Variants in KLHL2 observed in about 807,000 individuals in gnomAD.
The protein encoded by KLHL2 is kelch like family member 2, also known as kelch-like protein 2.
KLHL2 carries 15 observed loss-of-function variants against 75.8 expected under a neutral mutation model. The ratio of observed to expected loss-of-function variants is 0.20; its 90% CI spans 0.13 to 0.30. The LOEUF (loss-of-function observed/expected upper bound fraction) is 0.30. Among genes scored for constraint, KLHL2 ranks in the 10% least tolerant of loss-of-function variants. The pLI, the probability that KLHL2 is intolerant of heterozygous loss-of-function variation, is 1.00. For synonymous variants in KLHL2, 214 were observed against 251.9 expected, an observed-to-expected ratio of 0.85 and a Z score of 1.42; for missense variants, 381 against 741.0, an observed-to-expected ratio of 0.51 and a Z score of 5.64.
intron 1 of KLHL2, chr4:165,219,706 A>C (rs1215352029): frequency 1.6e-6 from 2 of 1,281,618 alleles, no homozygotes; most frequent in Non-Finnish European, 2.0e-6. Context: ...CTTTGACGGA[A>C]CTTGGACACC....
intron 13 of KLHL2, among the ~76,000 whole-genome samples, chr4:165,314,780 A>T (rs1309258731): frequency 6.6e-6 from 1 of 152,210 alleles, no homozygotes; most frequent in African/African-American, 2.4e-5. Flanking sequence ...AGAAAGGGAA[A>T]TACAAATGGA....
intron 5 of KLHL2, among the ~76,000 whole-genome samples, chr4:165,281,232 A>G (rs1017945772): frequency 6.6e-6 from 1 of 152,090 alleles, no homozygotes; most frequent in Non-Finnish European, 1.5e-5. Context: ...AGAACAAATA[A>G]CACTTGAGAC....
rs1292158952 is a variant in KLHL2, at chr4:165,207,890, C to T, written c.14C>T (p.Pro5Leu). ...AGAGGAGCCACAATGGAGACGCCGC[C>T]GCTGCCTCCCGCGTGAGTGAGCGGG... METP[P>L]LPPACTKQGH... The change falls in exon 1 of 15, where the codon CCG (proline) becomes CTG (leucine). Residue 5 changes from proline to leucine, a missense_variant. Pro to Leu is a moderately conservative substitution (Grantham distance 98). Transcript: ENST00000226725. This position sits in a 1 kb window ranked among gnomAD's most constrained non-coding sequence, Gnocchi z 4.2. The T allele has an allele frequency of 2.1e-6, 3 of 1,438,534 alleles. No individual in the cohort carries two copies. Among genetic ancestry groups the T allele is most frequent in the South Asian group, 2.7e-5 (2 of 75,306 alleles). 89.1% of individuals were successfully genotyped at this position (1,438,534 alleles called of 1,614,324 possible).
chr4:165,251,776 A>AT (rs1205042954), intron 4 of KLHL2, among the ~76,000 whole-genome samples: 2 of 151,170 alleles, frequency 1.3e-5, no homozygotes, highest in Admixed American at 6.6e-5. Context: ...CGCCCGGCTA[A>AT]TTTTTTGTAT....
chr4:165,220,247 C>T (rs1286868519), intron 2 of KLHL2, among the ~76,000 whole-genome samples, 188 bp downstream of exon 2: 3 of 151,986 alleles, frequency 2.0e-5, no homozygotes, highest in Non-Finnish European at 4.4e-5. Context: ...GTGTGGGGCT[C>T]CTCTATTAGT....
chr4:165,242,857 T>C (rs1294466319), intron 4 of KLHL2, among the ~76,000 whole-genome samples: 1 of 152,222 alleles, frequency 6.6e-6, no homozygotes, highest in Non-Finnish European at 1.5e-5. Context: ...AGTCTGTGTG[T>C]GTATGTGCAT....
intron 13 of KLHL2, among the ~76,000 whole-genome samples, chr4:165,316,834 A>G (rs1376792293): frequency 6.6e-6 from 1 of 152,174 alleles, no homozygotes; most frequent in Admixed American, 6.5e-5. Flanking sequence ...TGTCCAAGGT[A>G]GGTTGGTTGG....
chr4:165,241,934 A>G (rs1739851529), intron 4 of KLHL2, among the ~76,000 whole-genome samples: 1 of 152,198 alleles, frequency 6.6e-6, no homozygotes, highest in African/African-American at 2.4e-5. Flanking sequence ...TCTGATTTAT[A>G]CAAGCAATAG....
At chr4:165,311,674 TA>T (rs1359332299) in intron 11 of KLHL2, 109 bp downstream of exon 11, 6 of 751,772 alleles carry the variant, frequency 8.0e-6, no homozygotes, top group Non-Finnish European at 1.4e-5. Flanking sequence ...ATTATCATTT[TA>T]AAAAGAAAAG....
At chr4:165,210,304 TC>T in intron 1 of KLHL2, 1 of 978,464 alleles carries the variant, frequency 1.0e-6, no homozygotes, top group Non-Finnish European at 1.6e-6. Context: ...TGTTCTCAGA[TC>T]CCACCTTGTT....
intron 5 of KLHL2, among the ~76,000 whole-genome samples, chr4:165,269,138 C>CT (rs1213125826): frequency 6.0e-5 from 9 of 151,112 alleles, no homozygotes; most frequent in Non-Finnish European, 8.9e-5. Flanking sequence ...GCAACCCCTG[C>CT]TTTTTTTTTG....
At chr4:165,247,907 G>A (rs1018596348) in intron 4 of KLHL2, among the ~76,000 whole-genome samples, 11 of 152,202 alleles carry the variant, frequency 7.2e-5, no homozygotes, top group African/African-American at 2.7e-4. Context: ...GAATGGTTGT[G>A]TGATTTTCTT....
intron 5 of KLHL2, among the ~76,000 whole-genome samples, chr4:165,275,032 T>G (rs370686457): frequency 6.6e-6 from 1 of 152,228 alleles, no homozygotes; most frequent in East Asian, 1.9e-4. Flanking sequence ...CCGCCCAGGT[T>G]AAATGGCCTA....
rs367827916 is a variant in KLHL2, at chr4:165,246,368, G to A, written c.381+7469G>A. On this transcript the variant is annotated intron_variant, in intron 4 of 14. Transcript: ENST00000226725. Reference sequence around the variant, plus strand: ...AAGGAGGTTTGATTTTGTTCCAGTTGTAGTTTGGGCAGGGAATTCATGCTT... The same window carrying A: ...AAGGAGGTTTGATTTTGTTCCAGTTATAGTTTGGGCAGGGAATTCATGCTT... Among the ~76,000 whole-genome samples the A allele has an allele frequency of 6.1e-3, 927 of 152,122 alleles. 12 individuals carry two copies. The highest frequency in any genetic ancestry group is 0.021 in the African/African-American group (873 of 41,490).
At chr4:165,228,725 T>C in intron 2 of KLHL2, 82 bp from the exon 3 acceptor site, 1 of 785,222 alleles carries the variant, frequency 1.3e-6, no homozygotes, top group South Asian at 1.6e-5. Flanking sequence ...AAAGTGGGCT[T>C]TACTGTAATA....
chr4:165,317,759 T>C, intron 13 of KLHL2, 67 bp from the exon 14 acceptor site: 5 of 1,214,882 alleles, frequency 4.1e-6, no homozygotes, highest in South Asian at 3.9e-5. Flanking sequence ...TCACTAAACA[T>C]GTACAGTGAT....
intron 5 of KLHL2, among the ~76,000 whole-genome samples, chr4:165,273,869 G>A (rs1336903650): frequency 2.0e-5 from 3 of 152,208 alleles, no homozygotes; most frequent in Non-Finnish European, 4.4e-5. Context: ...GAGATAAGGA[G>A]TCCATGCAGT....
intron 4 of KLHL2, among the ~76,000 whole-genome samples, chr4:165,252,215 A>G (rs1402549424): frequency 7.0e-6 from 1 of 143,628 alleles, no homozygotes; most frequent in Non-Finnish European, 1.5e-5. Flanking sequence ...AAATATATCC[A>G]GTTCAAAGTG....
chr4:165,305,581 CA>C, intron 8 of KLHL2, 26 bp from the exon 9 acceptor site: 1 of 1,536,112 alleles, frequency 6.5e-7, no homozygotes, highest in South Asian at 1.1e-5. Context: ...GTCATTTGTT[CA>C]AGTGCTTACA....
Sources: gnomAD v4.1 joint callset for allele counts (sites outside exome capture counted in the v4.1 genomes callset) on GRCh38, gnomAD v4.1.1 for gene constraint, Gnocchi (gnomAD v3.1) non-coding constraint, MANE v1.5 for transcripts, NCBI Gene and HGNC (gene_info 2026-07-23, HGNC 2026-07-21) for gene names.